The following AMMECR1L variants were observed in gnomAD, a reference collection of about 807,000 sequenced individuals.
The protein encoded by AMMECR1L is AMMECR1 like, also known as AMMECR1-like protein.
Under a neutral mutation model 36.8 loss-of-function variants are expected in AMMECR1L, and 4 were observed. The ratio of observed to expected loss-of-function variants is 0.11; its 90% confidence interval spans 0.05 to 0.25. The LOEUF is 0.25. Among genes scored for constraint, AMMECR1L ranks in the 10% least tolerant of loss-of-function variants. The pLI, the probability that AMMECR1L is intolerant of heterozygous loss-of-function variation, is 1.00. For missense variants in AMMECR1L, 232 were observed against 392.1 expected (o/e 0.59, Z 3.45); for synonymous variants, 147 against 148.0 (o/e 0.99, Z 0.05).
Position 127,873,454 on chromosome 2 carries a change from A to C in AMMECR1L, c.407+374T>G. ...GCTCCTAGTCTCCAGCCTGGCCCTC[A>C]GACTTCCAACTCACCTGGACTTCAA... On this transcript the variant is annotated intron_variant, in intron 3 of 7. Coordinates refer to ENST00000272647, the MANE Select transcript of AMMECR1L (RefSeq NM_001199140.2). This position sits in a 1 kb window ranked among gnomAD's most constrained non-coding sequence, Gnocchi z 5.2. The C allele has an allele frequency of 1.0e-6, 1 of 985,456 alleles. No individual in the cohort carries two copies. Among genetic ancestry groups the C allele is most frequent in the Non-Finnish European group, 1.2e-6 (1 of 829,938 alleles). 61.0% of individuals were successfully genotyped at this position (985,456 alleles called of 1,614,324 possible). A position where few individuals can be genotyped will look rare whatever the true frequency, so the allele number is the denominator to read the frequency against.
intron 1 of AMMECR1L, 64 bp downstream of exon 1, chr2:127,885,746 G>A: frequency 1.0e-6 from 1 of 982,750 alleles, no homozygotes; most frequent in Non-Finnish European, 1.2e-6. Context: ...CAAGGCGGCG[G>A]CGGACCGAGG....
rs1691093454 is a variant in AMMECR1L, at chr2:127,873,628, C to T, written c.407+200G>A. 1 of 985,378 alleles carries T rather than the reference C, an allele frequency of 1.0e-6. No homozygotes were observed. The highest frequency in any genetic ancestry group is 4.7e-5 in the South Asian group (1 of 21,294). 61.0% of individuals were successfully genotyped at this position (985,378 alleles called of 1,614,324 possible). The stretch of plus-strand genomic sequence containing the variant: ...TTTAACAACAAGCCTACAGCCTCCT[C>T]CAAATGTGAACTGCTCCCTTCCATT... On this transcript the variant is annotated intron_variant, in intron 3 of 7. Transcript: ENST00000272647. This position sits in a 1 kb window ranked among gnomAD's most constrained non-coding sequence, Gnocchi z 5.2.
chr2:127,880,096 A>G (rs1691425304), intron 2 of AMMECR1L, among the ~76,000 whole-genome samples: 1 of 152,246 alleles, frequency 6.6e-6, no homozygotes, highest in Non-Finnish European at 1.5e-5. Context: ...TGAGCCCTGG[A>G]GTTTGAGACC....
In AMMECR1L at chr2:127,866,914, C is replaced by T. The variant is rs376532930; in HGVS notation, c.807G>A (p.Thr269=). The part of the protein sequence containing the change: ...KAPITSEFRK[T]IKLTRYRSEK... ...CAATGGCTTACCTGGTGAGTTTGAT[C>T]GTTTTTCTGAATTCACTGGTAATTG... Residue 269 remains threonine, a synonymous_variant, in exon 7 of 8, where the codon ACG becomes ACA. Coordinates refer to ENST00000272647, the MANE Select transcript of AMMECR1L (RefSeq NM_001199140.2). 12 of 1,614,018 alleles carry T rather than the reference C, an allele frequency of 7.4e-6. No homozygotes were observed. The highest frequency in any genetic ancestry group is 6.7e-5 in the Admixed American group (4 of 60,012).
At position 127,885,254 on chromosome 2, in the gene AMMECR1L, G is replaced by C; in HGVS notation, c.-149+556C>G. 3 of 984,328 alleles carry C rather than the reference G, an allele frequency of 3.0e-6. No individual in the cohort carries two copies. In the South Asian group the frequency reaches 1.4e-4, roughly 46 times the overall value. The allele number at this position is 984,328 out of a possible 1,614,324, so 61.0% of individuals were successfully genotyped here. On this transcript the variant is annotated intron_variant, in intron 1 of 7. Coordinates refer to ENST00000272647, the MANE Select transcript of AMMECR1L (RefSeq NM_001199140.2). ...TTAAGAAAACGACAGGACAGAGCGG[G>C]GAGGGGAAAAGCGGGCCGAGGGACA...
In AMMECR1L at chr2:127,864,735, C is replaced by G. The variant is rs1690609593; in HGVS notation, c.*359G>C. 1 of 165,434 alleles carries G rather than the reference C, an allele frequency of 6.0e-6. No homozygotes were observed. Among genetic ancestry groups the G allele is most frequent in the Admixed American group, 6.4e-5 (1 of 15,726 alleles). 10.2% of individuals were successfully genotyped at this position (165,434 alleles called of 1,614,324 possible). On this transcript the variant is annotated 3_prime_UTR_variant, in exon 8 of 8. Coordinates refer to ENST00000272647, the MANE Select transcript of AMMECR1L (RefSeq NM_001199140.2). ...GAGGCTGCAGGGGTGTGTGTGGGTT[C>G]AACCTTCAGGGATCATCAATTTCAG...
In AMMECR1L at chr2:127,874,885, C is replaced by T. The variant is rs1691152008; in HGVS notation, c.-38-613G>A. ...TCTGCAGCTCTCCTCCTCCAGCCCC[C>T]TCATTCTCTTTGGTTCCCCTCTGAA... is the stretch of plus-strand genomic sequence containing the variant. On this transcript the variant is annotated intron_variant, in intron 2 of 7. Coordinates refer to ENST00000272647, the MANE Select transcript of AMMECR1L (RefSeq NM_001199140.2). This position sits in a 1 kb window ranked among gnomAD's most constrained non-coding sequence, Gnocchi z 5.2. Among the ~76,000 whole-genome samples, 1 of 152,216 alleles carries T rather than the reference C, an allele frequency of 6.6e-6. No individual in the cohort carries two copies. The highest frequency in any genetic ancestry group is 1.5e-5 in the Non-Finnish European group (1 of 68,044).
intron 2 of AMMECR1L, among the ~76,000 whole-genome samples, chr2:127,876,778 G>A (rs1308521104): frequency 6.6e-6 from 1 of 152,128 alleles, no homozygotes; most frequent in African/African-American, 2.4e-5. Context: ...AGTACTTTGG[G>A]AGGCCGAGGT....
In AMMECR1L at chr2:127,871,414, A is replaced by C. The variant is rs1454419808; in HGVS notation, c.408-55T>G. The C allele has an allele frequency of 7.1e-6, 11 of 1,554,006 alleles. No homozygotes were observed. The East Asian group carries it at 2.5e-4, about 36-fold the overall frequency. ...CAGCCCCAAATTAATCATGGATAAG[A>C]ACAAAACCTTTTGGCTTTGTCCCTA... is the stretch of plus-strand genomic sequence containing the variant. On this transcript the variant is annotated intron_variant, in intron 3 of 7. Transcript: ENST00000272647. This position sits in a 1 kb window ranked among gnomAD's most constrained non-coding sequence, Gnocchi z 4.3.
At chr2:127,870,207 C>T (rs566995286) in intron 5 of AMMECR1L, among the ~76,000 whole-genome samples, 1 of 138,536 alleles carries the variant, frequency 7.2e-6, no homozygotes, top group Admixed American at 7.6e-5. Context: ...CCCAGCTACT[C>T]AGGAAGCTGA....
chr2:127,866,751 G>T, intron 7 of AMMECR1L, 149 bp downstream of exon 7: 1 of 765,046 alleles, frequency 1.3e-6, no homozygotes, highest in Non-Finnish European at 2.2e-6. Context: ...TGCCTTTGCT[G>T]CCACTGCTTC....
chr2:127,867,867 T>A (rs1690765465), intron 6 of AMMECR1L, among the ~76,000 whole-genome samples: 1 of 152,184 alleles, frequency 6.6e-6, no homozygotes, highest in Admixed American at 6.5e-5. Flanking sequence ...ATACTATTGT[T>A]ATTCTTGCAC....
In AMMECR1L at chr2:127,866,817, ACTT is replaced by A. The variant is rs764837906; in HGVS notation, c.821+80_821+82del. 75 of 1,306,436 alleles carry A rather than the reference ACTT, an allele frequency of 5.7e-5. No individual in the cohort carries two copies. In the South Asian group the frequency reaches 7.2e-4, roughly 12 times the overall value. The allele number at this position is 1,306,436 out of a possible 1,614,324, so 80.9% of individuals were successfully genotyped here. ...TGATTTAGGGACATTCACAGAGAAC[ACTT>A]CTTCTCCATCCCATCAAAATTATCC... On this transcript the variant is annotated intron_variant, in intron 7 of 7. Coordinates refer to ENST00000272647, the MANE Select transcript of AMMECR1L (RefSeq NM_001199140.2).
Position 127,870,804 on chromosome 2 carries a change from C to A in AMMECR1L, c.633+10G>T. The A allele has an allele frequency of 6.2e-7, 1 of 1,601,988 alleles. No homozygotes were observed. The highest frequency in any genetic ancestry group is 2.2e-5 in the East Asian group (1 of 44,830). ...GAGAGATGCAGAGTTCCAAATGCGGCTGTTCTCACCTCCCAGTCCAGGTAA... is the reference window on the plus strand; with the variant it reads ...GAGAGATGCAGAGTTCCAAATGCGGATGTTCTCACCTCCCAGTCCAGGTAA... On this transcript the variant is annotated intron_variant, in intron 5 of 7. Transcript: ENST00000272647.
intron 2 of AMMECR1L, among the ~76,000 whole-genome samples, chr2:127,876,609 G>C (rs1356557558): frequency 1.3e-5 from 2 of 152,126 alleles, no homozygotes; most frequent in Non-Finnish European, 2.9e-5. Context: ...AAGCCAGGTG[G>C]CCTGGGCTCA....
Position 127,864,829 on chromosome 2 carries a change from C to A in AMMECR1L, c.*265G>T, listed in dbSNP as rs935276811. On this transcript the variant is annotated 3_prime_UTR_variant, in exon 8 of 8. Transcript: ENST00000272647. Reference sequence around the variant, plus strand: ...AGGGTCTTCTGAACCCACAGTAATTCCCACTAGTCATGGAGGAGCCCCAAT... The same window carrying A: ...AGGGTCTTCTGAACCCACAGTAATTACCACTAGTCATGGAGGAGCCCCAAT... The A allele has an allele frequency of 4.7e-5, 13 of 273,960 alleles. No homozygotes were observed. The highest frequency in any genetic ancestry group is 5.6e-5 in the Non-Finnish European group (8 of 143,668). The allele number at this position is 273,960 out of a possible 1,614,324, so 17.0% of individuals were successfully genotyped here.
intron 2 of AMMECR1L, among the ~76,000 whole-genome samples, chr2:127,878,131 T>C (rs1202855483): frequency 1.3e-5 from 2 of 152,152 alleles, no homozygotes; most frequent in Non-Finnish European, 2.9e-5. Context: ...GCTTATAGAA[T>C]CTTGCCAACA....
At position 127,862,354 on chromosome 2, in the gene AMMECR1L, C is replaced by T. The variant is rs907133081; in HGVS notation, c.*2740G>A. On this transcript the variant is annotated 3_prime_UTR_variant, in exon 8 of 8. Coordinates refer to ENST00000272647, the MANE Select transcript of AMMECR1L (RefSeq NM_001199140.2). ...CATTCCCTTTTCTTTAAACCTACCA[C>T]GCACACCGCAGGTACTGGCCGCCCT... The T allele has an allele frequency of 2.6e-5, 4 of 153,804 alleles. No homozygotes were observed. Among genetic ancestry groups the T allele is most frequent in the Non-Finnish European group, 4.4e-5 (3 of 68,098 alleles). 9.5% of individuals were successfully genotyped at this position (153,804 alleles called of 1,614,324 possible).
chr2:127,874,164 G>T lies in AMMECR1L; in HGVS notation c.71C>A (p.Pro24His). 6.2e-7 allele frequency: 1 copy of T among 1,614,126 alleles called. No homozygotes were observed. Among genetic ancestry groups the T allele is most frequent in the South Asian group, 1.1e-5 (1 of 91,074 alleles). Residue 24 changes from proline to histidine, a missense_variant, in exon 3 of 8, where the codon CCC becomes CAC. By Grantham distance (77) the Pro-to-His change is moderately conservative. Transcript: ENST00000272647. The surrounding 1 kb of genome is among the most constrained non-coding windows in gnomAD (Gnocchi z 5.2). ...LAAGCCGVKK[P>H]KLSGSGTHSH... ...GTGCGTTCCACTTCCAGATAATTTGGGCTTCTTGACCCCACAACAGCCTGC... is the reference window on the plus strand; with the variant it reads ...GTGCGTTCCACTTCCAGATAATTTGTGCTTCTTGACCCCACAACAGCCTGC...
Sources: gnomAD v4.1 joint callset for allele counts (sites outside exome capture counted in the v4.1 genomes callset) on GRCh38, gnomAD v4.1.1 for gene constraint, Gnocchi (gnomAD v3.1) non-coding constraint, MANE v1.5 for transcripts, NCBI Gene and HGNC (gene_info 2026-07-23, HGNC 2026-07-21) for gene names.